SOX6: variants seen among roughly 807,000 people sequenced by gnomAD.
SOX6 encodes transcription factor SOX-6.
A neutral mutation model predicts 97.8 loss-of-function variants in SOX6; 11 were observed. The observed-to-expected ratio is 0.11, with a 90% CI of 0.07 to 0.19. The LOEUF is 0.19. Among genes scored for constraint, SOX6 ranks in the 10% least tolerant of loss-of-function variants. The probability of loss-of-function intolerance (pLI) is 1.00; values close to 1 mark genes in which losing one functional copy is unlikely to be tolerated. For missense variants in SOX6, 810 were observed against 1,039.5 expected (o/e 0.78, Z 3.04); for synonymous variants, 360 against 371.4 (o/e 0.97, Z 0.35).
intron 4 of SOX6, among the ~76,000 whole-genome samples, chr11:16,204,733 T>C (rs1433823499): frequency 6.6e-6 from 1 of 152,014 alleles, no homozygotes; most frequent in Non-Finnish European, 1.5e-5. Flanking sequence ...TTTTTAAGAG[T>C]ACACTTATTC....
At chr11:16,472,664 T>C (rs1860158972) in intron 1 of SOX6, among the ~76,000 whole-genome samples, 1 of 152,130 alleles carries the variant, frequency 6.6e-6, no homozygotes, top group African/African-American at 2.4e-5. Flanking sequence ...ATATTAAACA[T>C]GAACATCTAT....
intron 9 of SOX6, among the ~76,000 whole-genome samples, chr11:16,079,785 G>A (rs1848433734): frequency 6.6e-6 from 1 of 151,808 alleles, no homozygotes; most frequent in African/African-American, 2.4e-5. Flanking sequence ...CAAATTATTA[G>A]TACTGCCAAC....
chr11:15,986,324 T>C lies in SOX6; in HGVS notation c.2063A>G (p.Tyr688Cys). The change falls in exon 15 of 16, where the codon TAT (tyrosine) becomes TGT (cysteine). Residue 688 changes from tyrosine to cysteine, a missense_variant. Coordinates refer to ENST00000683767, the MANE Select transcript of SOX6 (RefSeq NM_001367873.1). Reference sequence around the variant, plus strand: ...GCGTTTCGGTCGGGGTTTGTATTTATAGTTTGGGTACTTCTCTAAGTGGAT... The same window carrying C: ...GCGTTTCGGTCGGGGTTTGTATTTACAGTTTGGGTACTTCTCTAAGTGGAT... ...SKIHLEKYPN[Y>C]KYKPRPKRTC... 6.2e-7 allele frequency: 1 copy of C among 1,614,154 alleles called. No homozygotes were observed. Among genetic ancestry groups the C allele is most frequent in the East Asian group, 2.2e-5 (1 of 44,884 alleles).
chr11:16,437,101 TA>T (rs57209441), intron 1 of SOX6, among the ~76,000 whole-genome samples: 16,339 of 144,074 alleles, frequency 0.11, 1,053 homozygotes, highest in Admixed American at 0.2. Flanking sequence ...TACAAGAAAT[TA>T]AAAAAAAAAA....
chr11:16,079,536 C>T (rs1430124114), intron 9 of SOX6, among the ~76,000 whole-genome samples: 1 of 151,846 alleles, frequency 6.6e-6, no homozygotes, highest in Non-Finnish European at 1.5e-5. Flanking sequence ...AATAATAATA[C>T]ATAGATTTAT....
At chr11:15,981,076 AT>A (rs1233744281) in intron 15 of SOX6, among the ~76,000 whole-genome samples, 1 of 152,104 alleles carries the variant, frequency 6.6e-6, no homozygotes, top group Non-Finnish European at 1.5e-5. Flanking sequence ...AAAATAAGAA[AT>A]CCAGCCAGCA....
chr11:16,579,746 C>T (rs1473743927), intron 4 of SOX6, among the ~76,000 whole-genome samples: 1 of 152,042 alleles, frequency 6.6e-6, no homozygotes, highest in Non-Finnish European at 1.5e-5. Flanking sequence ...AACAAAATTG[C>T]TACGAACAAG....
At chr11:16,059,901 T>C (rs999507685) in intron 9 of SOX6, among the ~76,000 whole-genome samples, 2 of 151,986 alleles carry the variant, frequency 1.3e-5, no homozygotes, top group African/African-American at 4.8e-5. Context: ...AAAAGTTCTA[T>C]ACTGAATGGA....
At position 16,053,494 on chromosome 11, in the gene SOX6, T is replaced by C. The variant is rs556025305; in HGVS notation, c.1251+2258A>G. Among the ~76,000 whole-genome samples, 163 of 152,262 alleles carry C rather than the reference T, an allele frequency of 1.1e-3. 1 individual carries two copies. Among genetic ancestry groups the C allele is most frequent in the African/African-American group, 3.8e-3 (156 of 41,554 alleles). On this transcript the variant is annotated intron_variant, in intron 10 of 15. Transcript: ENST00000683767. ...GCATCACTACCATCACTAACATTTA[T>C]AGAATACTCACTATAATACTAGAGG...
chr11:16,391,841 T>C (rs1858193795), intron 1 of SOX6, among the ~76,000 whole-genome samples: 1 of 152,072 alleles, frequency 6.6e-6, no homozygotes, highest in African/African-American at 2.4e-5. Flanking sequence ...TATTTAATTT[T>C]TATAACTCTA....
chr11:16,642,398 G>T (rs1329995085), intron 3 of SOX6, among the ~76,000 whole-genome samples: 1 of 152,002 alleles, frequency 6.6e-6, no homozygotes, highest in Non-Finnish European at 1.5e-5. Context: ...ATGTGTCTTG[G>T]AGTTGCTCTT....
intron 3 of SOX6, among the ~76,000 whole-genome samples, chr11:16,698,409 T>G (rs1400019650): frequency 6.6e-6 from 1 of 152,228 alleles, no homozygotes; most frequent in Non-Finnish European, 1.5e-5. Flanking sequence ...TGGATTAGGC[T>G]TTGACTTAAG....
At chr11:16,137,783 G>A (rs568690085) in intron 6 of SOX6, among the ~76,000 whole-genome samples, 1 of 152,236 alleles carries the variant, frequency 6.6e-6, no homozygotes, top group South Asian at 2.1e-4. Flanking sequence ...ATAATTGAAT[G>A]CTGGGGGCAG....
At chr11:16,679,685 G>A (rs753377401) in intron 3 of SOX6, among the ~76,000 whole-genome samples, 64 of 152,322 alleles carry the variant, frequency 4.2e-4, no homozygotes, top group Non-Finnish European at 2.9e-4. Flanking sequence ...TAAGGAGCGT[G>A]TTCTAACCCA....
chr11:16,651,673 A>T (rs1299121735), intron 3 of SOX6, among the ~76,000 whole-genome samples: 1 of 152,204 alleles, frequency 6.6e-6, no homozygotes, highest in Non-Finnish European at 1.5e-5. Context: ...CATTATACTG[A>T]ACAGGGAAAA....
rs1372188695 is a variant in SOX6 at position 16,605,452 on chromosome 11, A to G, written n.609+6629T>C. On this transcript the variant is annotated intron_variant and non_coding_transcript_variant, in intron 4 of 5. Transcript: ENST00000524520. This position sits in a 1 kb window ranked among gnomAD's most constrained non-coding sequence, Gnocchi z 5.3. Reference sequence around the variant, plus strand: ...TTGTTTATTCCTGAAAAGATCATTAAAAAGTACTGTCCAAAAACGGGGGGA... The same window carrying G: ...TTGTTTATTCCTGAAAAGATCATTAGAAAGTACTGTCCAAAAACGGGGGGA... 6.6e-6 allele frequency among the ~76,000 whole-genome samples: 1 copy of G among 152,124 alleles called. No homozygotes were observed. The highest frequency in any genetic ancestry group is 6.5e-5 in the Admixed American group (1 of 15,286).
chr11:16,602,738 T>C (rs1848285349), intron 4 of SOX6, among the ~76,000 whole-genome samples: 1 of 151,926 alleles, frequency 6.6e-6, no homozygotes. Context: ...AAGCTAACCC[T>C]GGGCCGGGCG....
intron 3 of SOX6, chr11:16,318,038 A>G: frequency 2.4e-6 from 1 of 415,822 alleles, no homozygotes; most frequent in Non-Finnish European, 4.7e-6. Context: ...TATTTATAAA[A>G]ATGAAGAGAA....
At chr11:16,568,546 C>T (rs1363320539) in intron 4 of SOX6, among the ~76,000 whole-genome samples, 3 of 151,980 alleles carry the variant, frequency 2.0e-5, no homozygotes, top group Non-Finnish European at 4.4e-5. Context: ...GTACTAAATG[C>T]CACTGACATG....
Sources: allele counts gnomAD v4.1 joint callset (sites outside exome capture counted in the v4.1 genomes callset), GRCh38; gene constraint gnomAD v4.1.1; non-coding constraint Gnocchi (gnomAD v3.1); transcripts MANE v1.5; gene names NCBI Gene and HGNC (gene_info 2026-07-23, HGNC 2026-07-21).